TECR: variants seen among roughly 807,000 people sequenced by gnomAD.
The protein encoded by TECR is very-long-chain enoyl-CoA reductase.
Under a neutral mutation model 50.6 loss-of-function variants are expected in TECR, and 19 were observed. The observed-to-expected ratio is 0.38, with a 90% CI of 0.26 to 0.55. The LOEUF is 0.55. Ranked by LOEUF, TECR falls within the 20% of genes least tolerant of loss-of-function variation. TECR has a pLI of 0.79. For missense variants in TECR, 313 were observed against 408.3 expected, an observed-to-expected ratio of 0.77 and a Z score of 2.01; for synonymous variants, 168 against 163.5, an observed-to-expected ratio of 1.03 and a Z score of -0.21.
chr19:14,558,366 G>A (rs2146620164), intron 1 of TECR, among the ~76,000 whole-genome samples: 1 of 152,266 alleles, frequency 6.6e-6, no homozygotes, highest in Middle Eastern at 3.4e-3. Context: ...GTTGCTTGCG[G>A]CACTCCCCTC....
intron 1 of TECR, among the ~76,000 whole-genome samples, chr19:14,549,855 AT>A (rs1348767216): frequency 6.6e-6 from 1 of 151,900 alleles, no homozygotes; most frequent in Non-Finnish European, 1.5e-5. Flanking sequence ...AGGCAGGAGA[AT>A]CACTGGAACT....
At chr19:14,564,355 A>G (rs1229836453) in intron 7 of TECR, 68 bp downstream of exon 7, 4 of 908,158 alleles carry the variant, frequency 4.4e-6, no homozygotes, top group Non-Finnish European at 2.8e-6. Flanking sequence ...GCCCCCACCG[A>G]GCCCCACCCC....
At chr19:14,534,968 A>G (rs2072809354) in intron 1 of TECR, among the ~76,000 whole-genome samples, 1 of 152,176 alleles carries the variant, frequency 6.6e-6, no homozygotes, top group Admixed American at 6.5e-5. Flanking sequence ...AGGACAGAGC[A>G]TCCCTGAAGG....
chr19:14,539,188 GT>G (rs1001491204), intron 1 of TECR, among the ~76,000 whole-genome samples: 4 of 109,902 alleles, frequency 3.6e-5, no homozygotes, highest in African/African-American at 1.5e-4. Flanking sequence ...TAGAGACGAA[GT>G]TTTACCGTGT....
Position 14,529,672 on chromosome 19 carries a change from G to A in TECR, c.-25G>A, listed in dbSNP as rs182986875. The A allele has an allele frequency of 1.9e-5, 30 of 1,613,834 alleles. No individual in the cohort carries two copies. The East Asian group carries it at 5.8e-4, about 31-fold the overall frequency. On this transcript the variant is annotated 5_prime_UTR_variant, in exon 1 of 13. Coordinates refer to ENST00000215567, the MANE Select transcript of TECR (RefSeq NM_138501.6). Reference sequence around the variant, plus strand: ...GCAGTTAGGCAGCAGCAGCCGCGGAGCAGTAGCCGCCGTGGGAGGGAGCCA... The same window carrying A: ...GCAGTTAGGCAGCAGCAGCCGCGGAACAGTAGCCGCCGTGGGAGGGAGCCA...
intron 1 of TECR, among the ~76,000 whole-genome samples, chr19:14,559,420 G>T (rs2073839516): frequency 6.6e-6 from 1 of 152,018 alleles, no homozygotes; most frequent in Admixed American, 6.6e-5. Context: ...TGGGACCTTT[G>T]TGTCTGGCTT....
At chr19:14,544,047 G>GT (rs2073218366) in intron 1 of TECR, among the ~76,000 whole-genome samples, 2 of 152,074 alleles carry the variant, frequency 1.3e-5, no homozygotes, top group African/African-American at 4.8e-5. Context: ...CTGGAGAATA[G>GT]TTTAACAAAA....
rs777117926 is a variant in TECR, at chr19:14,565,934, C to T, written c.*63C>T. On this transcript the variant is annotated 3_prime_UTR_variant, in exon 13 of 13. Transcript: ENST00000215567. ...TGGCATTCTGGGGGAGGAGTGGGGCCCACAGCTCTCCAGCACCCGGAATAA... is the reference window on the plus strand; with the variant it reads ...TGGCATTCTGGGGGAGGAGTGGGGCTCACAGCTCTCCAGCACCCGGAATAA... 1.4e-5 allele frequency: 21 copies of T among 1,541,112 alleles called. No individual in the cohort carries two copies. Among genetic ancestry groups the T allele is most frequent in the Non-Finnish European group, 1.8e-5 (21 of 1,141,636 alleles).
intron 1 of TECR, among the ~76,000 whole-genome samples, chr19:14,552,781 C>T (rs2073579236): frequency 6.6e-6 from 1 of 151,962 alleles, no homozygotes; most frequent in Admixed American, 6.6e-5. Context: ...CGTGATCCAC[C>T]CGCCTCGGCC....
chr19:14,553,462 C>T (rs557585489), intron 1 of TECR, among the ~76,000 whole-genome samples: 11 of 152,208 alleles, frequency 7.2e-5, no homozygotes, highest in South Asian at 2.1e-4. Flanking sequence ...CTGGTGCAGC[C>T]GCCCCCGGGT....
chr19:14,560,598 T>C (rs2146625694), intron 1 of TECR, among the ~76,000 whole-genome samples: 1 of 152,348 alleles, frequency 6.6e-6, no homozygotes, highest in Non-Finnish European at 1.5e-5. Context: ...GCCAGCTCTT[T>C]GGCCTTGTTA....
intron 7 of TECR, chr19:14,564,562 A>G: frequency 1.2e-5 from 1 of 81,094 alleles, no homozygotes; most frequent in Non-Finnish European, 2.3e-5. Flanking sequence ...CCGCCCCTGC[A>G]GAGCCCCGCC....
chr19:14,554,557 GA>G (rs1246186779), intron 1 of TECR, among the ~76,000 whole-genome samples: 1 of 152,198 alleles, frequency 6.6e-6, no homozygotes, highest in Non-Finnish European at 1.5e-5. Flanking sequence ...TGGGGAAGCC[GA>G]AGCTCCAGAG....
chr19:14,530,993 TTA>T (rs1336894934), intron 1 of TECR: 1 of 152,196 alleles, frequency 6.6e-6, no homozygotes, highest in Non-Finnish European at 1.5e-5. Context: ...CCATTCCGTC[TTA>T]ATGAATTGAC....
intron 1 of TECR, among the ~76,000 whole-genome samples, chr19:14,532,867 T>C (rs1232198547): frequency 1.3e-5 from 2 of 152,118 alleles, no homozygotes; most frequent in Admixed American, 6.6e-5. Flanking sequence ...CCCAGCACTT[T>C]GGGAGGCTGA....
At chr19:14,547,103 C>T (rs192794831) in intron 1 of TECR, among the ~76,000 whole-genome samples, 31 of 142,856 alleles carry the variant, frequency 2.2e-4, no homozygotes, top group East Asian at 3.9e-4. Flanking sequence ...CAGAAACCAA[C>T]GTCAAAGCAA....
chr19:14,548,765 C>T (rs918400333), intron 1 of TECR, among the ~76,000 whole-genome samples: 6 of 151,934 alleles, frequency 3.9e-5, no homozygotes, highest in African/African-American at 1.2e-4. Flanking sequence ...TTGGTAGAGA[C>T]GGGTTCACCA....
intron 1 of TECR, among the ~76,000 whole-genome samples, chr19:14,541,437 T>C (rs2073094112): frequency 6.6e-6 from 1 of 152,256 alleles, no homozygotes; most frequent in Non-Finnish European, 1.5e-5. Context: ...TGTGGGCAGG[T>C]CCTGCTGGTC....
intron 1 of TECR, among the ~76,000 whole-genome samples, chr19:14,543,805 C>T (rs1287429465): frequency 1.3e-5 from 2 of 151,586 alleles, no homozygotes; most frequent in African/African-American, 4.9e-5. Flanking sequence ...GTGGTATGAT[C>T]GCAGCTCATT....
Sources: gnomAD v4.1 joint callset for allele counts (sites outside exome capture counted in the v4.1 genomes callset) on GRCh38, gnomAD v4.1.1 for gene constraint, MANE v1.5 for transcripts, NCBI Gene and HGNC (gene_info 2026-07-23, HGNC 2026-07-21) for gene names.